FLT4: variants seen among roughly 807,000 people sequenced by gnomAD.
The protein encoded by FLT4 is vascular endothelial growth factor receptor 3.
Under a neutral mutation model 163.2 loss-of-function variants are expected in FLT4, and 30 were observed. The observed-to-expected ratio is 0.18, with a 90% CI of 0.14 to 0.25. The LOEUF (loss-of-function observed/expected upper bound fraction) is 0.25, where lower values mean the gene tolerates loss of function less well. Ranked by LOEUF, FLT4 falls within the 10% of genes least tolerant of loss-of-function variation. FLT4 has a pLI of 1.00. For synonymous variants in FLT4, 884 were observed against 789.5 expected (o/e 1.12, Z -2.01); for missense variants, 1,510 against 1,863.8 (o/e 0.81, Z 3.50).
chr5:180,603,279 G>A lies in FLT4; in HGVS notation c.4005C>T (p.Ser1335=), dbSNP rs774068221. ...TTGGCTCCGACAGCTCCCCATACTCGCTGTTGTAAAACACCTGGCCTCCTC... is the reference window on the plus strand; with the variant it reads ...TTGGCTCCGACAGCTCCCCATACTCACTGTTGTAAAACACCTGGCCTCCTC... ...GARGGQVFYN[S]EYGELSEPSE... Residue 1335 remains serine, a synonymous_variant, in exon 30 of 30, where the codon AGC becomes AGT. Coordinates refer to ENST00000261937, the MANE Select transcript of FLT4 (RefSeq NM_182925.5). The A allele has an allele frequency of 8.7e-6, 14 of 1,614,054 alleles. No homozygotes were observed. In the East Asian group the frequency reaches 1.3e-4, roughly 15 times the overall value.
intron 29 of FLT4, among the ~76,000 whole-genome samples, chr5:180,604,241 CTG>C (rs1372349533): frequency 5.3e-5 from 8 of 152,216 alleles, no homozygotes. Flanking sequence ...AGTTCTCACT[CTG>C]TCTTGCCCAT....
Position 180,611,366 on chromosome 5 carries a change from G to A in FLT4, c.3651C>T (p.Ser1217=), listed in dbSNP as rs2127791219. The A allele has an allele frequency of 3.1e-6, 5 of 1,613,892 alleles. No homozygotes were observed. The highest frequency in any genetic ancestry group is 4.2e-6 in the Non-Finnish European group (5 of 1,179,978). Residue 1217 remains serine (S), a synonymous_variant, in exon 27 of 30, where the codon AGC becomes AGT. Coordinates refer to ENST00000261937, the MANE Select transcript of FLT4 (RefSeq NM_182925.5). ...LHIAQADAED[S]PPSLQRHSLA... ...GGCTGTGGCGCTGCAGGCTTGGCGG[G>A]CTGTCCTCAGCGTCAGCCTGGGCGA...
chr5:180,614,781 G>A (rs187582003), intron 23 of FLT4, among the ~76,000 whole-genome samples: 1 of 152,112 alleles, frequency 6.6e-6, no homozygotes, highest in Non-Finnish European at 1.5e-5. Context: ...TGTAACTGCA[G>A]ACAACCTGAC....
Position 180,629,370 on chromosome 5 carries a change from A to C in FLT4, c.874T>G (p.Ser292Ala). ...ACGTTGTGGATGGTCAGGATGCTGGAGAGTTCTGTGTGGGTCTGCTGGGAG... is the reference window on the plus strand; with the variant it reads ...ACGTTGTGGATGGTCAGGATGCTGGCGAGTTCTGTGTGGGTCTGCTGGGAG... ...RRSQQTHTEL[S>A]SILTIHNVSQ... The change falls in exon 7 of 30, where the codon TCC (serine) becomes GCC (alanine). Residue 292 changes from serine (S) to alanine (A), a missense_variant. This residue lies in a region of FLT4 where 163 missense variants were observed against 281.1 expected (regional missense o/e 0.58). Coordinates refer to ENST00000261937, the MANE Select transcript of FLT4 (RefSeq NM_182925.5). 1.2e-6 allele frequency: 2 copies of C among 1,612,746 alleles called. No individual in the cohort carries two copies. Among genetic ancestry groups the C allele is most frequent in the Non-Finnish European group, 1.7e-6 (2 of 1,179,986 alleles).
chr5:180,649,015 G>C (rs1299880862), intron 1 of FLT4, among the ~76,000 whole-genome samples: 2 of 152,148 alleles, frequency 1.3e-5, no homozygotes, highest in Non-Finnish European at 2.9e-5. Flanking sequence ...GCCCTCTGGG[G>C]GACCGACCGC....
intron 26 of FLT4, chr5:180,611,810 C>T: frequency 2.4e-6 from 1 of 424,928 alleles, no homozygotes. Context: ...CTGGCTGTGC[C>T]AGCCTCGCTA....
In FLT4 at chr5:180,620,248, G is replaced by C; in HGVS notation, c.2467C>G (p.Pro823Ala). 6.2e-7 allele frequency: 1 copy of C among 1,612,042 alleles called. No individual in the cohort carries two copies. The highest frequency in any genetic ancestry group is 8.5e-7 in the Non-Finnish European group (1 of 1,179,966). The change falls in exon 17 of 30, where the codon CCT becomes GCT. Residue 823 changes from proline (P) to alanine (A), a missense_variant. This residue lies in a region of FLT4 where 878 missense variants were observed against 1,016.7 expected (regional missense o/e 0.86). Coordinates refer to ENST00000261937, the MANE Select transcript of FLT4 (RefSeq NM_182925.5). The surrounding 1 kb of genome is among the most constrained non-coding windows in gnomAD (Gnocchi z 4.4). ...LSIIMDPGEV[P>A]LEEQCEYLSY... ...AGGTATTCGCATTGCTCCTCCAGAG[G>C]CACCTCCCCGGGGTCCATGATGATG...
Position 180,620,830 on chromosome 5 carries a change from A to T in FLT4, c.2299+46T>A, listed in dbSNP as rs2127812847. ...CCCAAGGTGGCCACAAGAAAGCGTT[A>T]ACTGGGGACGGGAAGGGAGTTGAGG... On this transcript the variant is annotated intron_variant, in intron 15 of 29. Coordinates refer to ENST00000261937, the MANE Select transcript of FLT4 (RefSeq NM_182925.5). The surrounding 1 kb of genome is among the most constrained non-coding windows in gnomAD (Gnocchi z 4.4). 13 of 1,609,728 alleles carry T rather than the reference A, an allele frequency of 8.1e-6. No homozygotes were observed. Among genetic ancestry groups the T allele is most frequent in the Non-Finnish European group, 1.1e-5 (13 of 1,178,746 alleles).
chr5:180,619,546 T>A (rs937231099), intron 18 of FLT4, 119 bp downstream of exon 18: 1 of 1,023,258 alleles, frequency 9.8e-7, no homozygotes, highest in Non-Finnish European at 1.6e-6. Flanking sequence ...CCCTGTAGAA[T>A]CTCGGATGAG....
In FLT4 at chr5:180,601,913, G is replaced by C. The variant is rs1761538139; in HGVS notation, c.*1279C>G. On this transcript the variant is annotated 3_prime_UTR_variant, in exon 30 of 30. Coordinates refer to ENST00000261937, the MANE Select transcript of FLT4 (RefSeq NM_182925.5). ...TGCAAGCGTCTGGTGCGTGGGTTTG[G>C]GGGGTCAGGGTGGTGGTCAGTCTCC... is the stretch of plus-strand genomic sequence containing the variant. 4.3e-6 allele frequency: 1 copy of C among 233,470 alleles called. No individual in the cohort carries two copies. The highest frequency in any genetic ancestry group is 5.6e-5 in the Admixed American group (1 of 17,782). The allele number at this position is 233,470 out of a possible 1,614,324, so 14.5% of individuals were successfully genotyped here.
At chr5:180,647,875 C>T (rs1420368066) in intron 1 of FLT4, among the ~76,000 whole-genome samples, 1 of 152,124 alleles carries the variant, frequency 6.6e-6, no homozygotes, top group African/African-American at 2.4e-5. Context: ...ACCCTTCACC[C>T]CACGTCCCTC....
At position 180,630,297 on chromosome 5, in the gene FLT4, C is replaced by T. The variant is rs151193350; in HGVS notation, c.441G>A (p.Leu147=). Residue 147 remains leucine (L), a synonymous_variant, in exon 4 of 30, where the codon TTG becomes TTA. Coordinates refer to ENST00000261937, the MANE Select transcript of FLT4 (RefSeq NM_182925.5). This position sits in a 1 kb window ranked among gnomAD's most constrained non-coding sequence, Gnocchi z 6.3. ...QPFINKPDTL[L]VNRKDAMWVP... is the part of the protein sequence containing the mutation. ...CCCACATGGCGTCCTTCCTGTTGAC[C>T]AAGAGCGTGTCAGGCTTGTTGATGA... 1 of 1,612,222 alleles carries T rather than the reference C, an allele frequency of 6.2e-7. No homozygotes were observed. The highest frequency in any genetic ancestry group is 1.3e-5 in the African/African-American group (1 of 74,908).
intron 29 of FLT4, among the ~76,000 whole-genome samples, chr5:180,604,802 A>G (rs1761702043): frequency 6.6e-6 from 1 of 152,126 alleles, no homozygotes; most frequent in African/African-American, 2.4e-5. Flanking sequence ...GGGACTCCCA[A>G]TTTTATATAT....
intron 1 of FLT4, among the ~76,000 whole-genome samples, chr5:180,645,642 G>A (rs762034968): frequency 1.6e-4 from 24 of 152,096 alleles, no homozygotes; most frequent in South Asian, 4.2e-4. Context: ...AGGGTGGTGC[G>A]GGCCTCAGAC....
intron 1 of FLT4, among the ~76,000 whole-genome samples, chr5:180,644,575 C>T (rs1314274377): frequency 6.6e-6 from 1 of 152,232 alleles, no homozygotes; most frequent in African/African-American, 2.4e-5. Flanking sequence ...AATGAGCCAT[C>T]TATTATCTAG....
intron 1 of FLT4, among the ~76,000 whole-genome samples, chr5:180,638,462 T>C (rs1446936265): frequency 6.6e-6 from 1 of 152,222 alleles, no homozygotes; most frequent in African/African-American, 2.4e-5. Context: ...CCAAAGTGGC[T>C]TCTGGGGCCC....
chr5:180,609,160 T>G (rs527936317), intron 28 of FLT4, 107 bp from the exon 29 acceptor site: 57 of 872,826 alleles, frequency 6.5e-5, no homozygotes, highest in East Asian at 5.7e-4. Flanking sequence ...GCGGCTGACC[T>G]AACACCTGTC....
Position 180,634,559 on chromosome 5 carries a change from G to C in FLT4, c.59-2781C>G, listed in dbSNP as rs549671642. Among the ~76,000 whole-genome samples, 117 of 151,650 alleles carry C rather than the reference G, an allele frequency of 7.7e-4. 1 individual carries two copies. Among genetic ancestry groups the C allele is most frequent in the African/African-American group, 2.8e-3 (115 of 41,334 alleles). Reference sequence around the variant, plus strand: ...CTACTAAAAATACAAAAAATTAGCTGGGCATGGTGGCGGGCGCCCAGCTAA... The same window carrying C: ...CTACTAAAAATACAAAAAATTAGCTCGGCATGGTGGCGGGCGCCCAGCTAA... On this transcript the variant is annotated intron_variant, in intron 1 of 29. Transcript: ENST00000261937.
At chr5:180,643,674 C>T (rs761688780) in intron 1 of FLT4, among the ~76,000 whole-genome samples, 14 of 152,080 alleles carry the variant, frequency 9.2e-5, no homozygotes, top group Non-Finnish European at 1.3e-4. Flanking sequence ...CAGACCTCCA[C>T]GTGCCCTAGA....
Sources: gnomAD v4.1 joint callset for allele counts (sites outside exome capture counted in the v4.1 genomes callset) on GRCh38, gnomAD v4.1.1 for gene constraint, gnomAD v4.1.1 regional missense constraint, Gnocchi (gnomAD v3.1) non-coding constraint, MANE v1.5 for transcripts, NCBI Gene and HGNC (gene_info 2026-07-23, HGNC 2026-07-21) for gene names.